The following PCSK5 variants were observed in gnomAD, a reference collection of about 807,000 sequenced individuals.
PCSK5 encodes the protein proprotein convertase subtilisin/kexin type 5, also known as prohormone convertase 5.
PCSK5 carries 129 observed loss-of-function variants against 233.2 expected under a neutral mutation model. The observed-to-expected ratio is 0.55, with a 90% CI of 0.48 to 0.64. The LOEUF (loss-of-function observed/expected upper bound fraction) is 0.64, where lower values mean the gene tolerates loss of function less well. Among genes scored for constraint, PCSK5 ranks in the 30% least tolerant of loss-of-function variants. PCSK5 has a pLI of 0.00. For missense variants in PCSK5, 2,076 were observed against 2,430.1 expected (o/e 0.85, Z 3.06); for synonymous variants, 825 against 879.2 (o/e 0.94, Z 1.09).
rs1440885019 is a variant in PCSK5 at position 76,336,946 on chromosome 9, A to C, written c.4749-1284A>C. Reference sequence around the variant, plus strand: ...TAGTGTCTCATTTGTAGGTTCAATAAGGTGAAATAATGTTTATGAAGTCCC... The same window carrying C: ...TAGTGTCTCATTTGTAGGTTCAATACGGTGAAATAATGTTTATGAAGTCCC... On this transcript the variant is annotated intron_variant, in intron 34 of 37. Transcript: ENST00000674117. 2.6e-5 allele frequency among the ~76,000 whole-genome samples: 4 copies of C among 152,032 alleles called. No homozygotes were observed. In the South Asian group the frequency reaches 6.2e-4, roughly 24 times the overall value.
intron 2 of PCSK5, among the ~76,000 whole-genome samples, chr9:75,944,369 T>G (rs1158129398): frequency 6.6e-6 from 1 of 152,068 alleles, no homozygotes; most frequent in Non-Finnish European, 1.5e-5. Context: ...TGCATAAAAA[T>G]AACTCTTAAC....
chr9:76,019,155 G>A (rs1012994271), intron 3 of PCSK5, among the ~76,000 whole-genome samples: 2 of 152,086 alleles, frequency 1.3e-5, no homozygotes, highest in African/African-American at 4.8e-5. Flanking sequence ...AATGGTTGTT[G>A]TAAATTTTAA....
At chr9:76,242,955 G>A (rs981390123) in intron 24 of PCSK5, among the ~76,000 whole-genome samples, 1 of 152,196 alleles carries the variant, frequency 6.6e-6, no homozygotes. Flanking sequence ...GTATGAATGT[G>A]TGTGAACTCC....
At chr9:76,353,971 G>T in intron 36 of PCSK5, 62 bp from the exon 37 acceptor site, 1 of 1,178,162 alleles carries the variant, frequency 8.5e-7, no homozygotes, top group Admixed American at 2.3e-5. Context: ...TACAATCTGG[G>T]AACTCCAGTG....
At chr9:76,047,802 A>G (rs1462123620) in intron 5 of PCSK5, among the ~76,000 whole-genome samples, 1 of 152,206 alleles carries the variant, frequency 6.6e-6, no homozygotes. Flanking sequence ...TTGTAATAAT[A>G]AAAGTAAATG....
At chr9:76,040,202 T>C (rs1832524) in intron 5 of PCSK5, among the ~76,000 whole-genome samples, 99,639 of 151,960 alleles carry the variant, frequency 0.66, 33,341 homozygotes, top group African/African-American at 0.76. Flanking sequence ...CTGAAAACGG[T>C]TAACACTCCT....
chr9:76,133,591 G>A (rs577020739), intron 9 of PCSK5, among the ~76,000 whole-genome samples: 43 of 152,062 alleles, frequency 2.8e-4, no homozygotes, highest in African/African-American at 9.6e-4. Context: ...CTGAAAATTG[G>A]GATGCTGTTT....
intron 22 of PCSK5, among the ~76,000 whole-genome samples, chr9:76,235,336 C>T (rs1826220181): frequency 6.6e-6 from 1 of 152,088 alleles, no homozygotes; most frequent in Non-Finnish European, 1.5e-5. Flanking sequence ...AGAGAAAGTA[C>T]AAGATGGCAT....
intron 20 of PCSK5, among the ~76,000 whole-genome samples, chr9:76,219,205 C>T (rs1020325414): frequency 6.6e-6 from 1 of 151,900 alleles, no homozygotes; most frequent in Non-Finnish European, 1.5e-5. Flanking sequence ...GAAGTCAGGG[C>T]GTAAAGAAAT....
intron 9 of PCSK5, among the ~76,000 whole-genome samples, chr9:76,133,427 T>C (rs1417312846): frequency 6.6e-6 from 1 of 152,044 alleles, no homozygotes; most frequent in East Asian, 1.9e-4. Context: ...CTCAGTAGTC[T>C]CTTTTGTGTT....
intron 24 of PCSK5, among the ~76,000 whole-genome samples, chr9:76,249,842 C>A (rs1237848813): frequency 1.3e-5 from 2 of 152,114 alleles, no homozygotes; most frequent in Non-Finnish European, 2.9e-5. Flanking sequence ...TAAGCTGGAA[C>A]AATTTGGGCA....
chr9:76,265,821 T>C (rs1827316712), intron 24 of PCSK5, among the ~76,000 whole-genome samples: 2 of 152,312 alleles, frequency 1.3e-5, no homozygotes, highest in South Asian at 4.1e-4. Flanking sequence ...TGGCAGAATG[T>C]TAACAGTAGG....
At chr9:75,986,299 T>C (rs929504995) in intron 3 of PCSK5, 54 bp downstream of exon 3, 16 of 1,015,372 alleles carry the variant, frequency 1.6e-5, no homozygotes, top group Non-Finnish European at 2.5e-5. Flanking sequence ...TTTTGTGTTG[T>C]ATGCAGAGAA....
chr9:76,028,201 A>G (rs963798652), intron 5 of PCSK5, among the ~76,000 whole-genome samples: 2 of 152,226 alleles, frequency 1.3e-5, no homozygotes, highest in African/African-American at 4.8e-5. Flanking sequence ...CCAAGCGAAA[A>G]GAGAGACCTA....
chr9:76,167,952 G>T (rs538804912), intron 12 of PCSK5, among the ~76,000 whole-genome samples: 1 of 152,114 alleles, frequency 6.6e-6, no homozygotes, highest in East Asian at 1.9e-4. Flanking sequence ...TGTTTGCCTC[G>T]CTCACTTGCA....
intron 20 of PCSK5, among the ~76,000 whole-genome samples, chr9:76,202,992 A>C (rs913883251): frequency 1.3e-5 from 2 of 152,188 alleles, no homozygotes; most frequent in Non-Finnish European, 2.9e-5. Flanking sequence ...TGAAAAATTG[A>C]GCAAATGACA....
intron 24 of PCSK5, among the ~76,000 whole-genome samples, chr9:76,247,018 G>A (rs1433102152): frequency 1.3e-5 from 2 of 152,236 alleles, no homozygotes; most frequent in African/African-American, 4.8e-5. Flanking sequence ...AGCTCTATTA[G>A]AAGCTGTGGG....
At chr9:76,100,010 A>G (rs1328356204) in intron 8 of PCSK5, among the ~76,000 whole-genome samples, 4 of 152,300 alleles carry the variant, frequency 2.6e-5, no homozygotes, top group African/African-American at 9.6e-5. Context: ...CTTGTTCTGG[A>G]CAAAATGACT....
chr9:76,203,187 A>C (rs980162423), intron 20 of PCSK5, among the ~76,000 whole-genome samples: 1 of 152,058 alleles, frequency 6.6e-6, no homozygotes, highest in African/African-American at 2.4e-5. Flanking sequence ...CAGAGTTTCC[A>C]TCACTGGTCC....
Sources: allele counts gnomAD v4.1 joint callset (sites outside exome capture counted in the v4.1 genomes callset), GRCh38; gene constraint gnomAD v4.1.1; transcripts MANE v1.5; gene names NCBI Gene and HGNC (gene_info 2026-07-23, HGNC 2026-07-21).